Variants in ADAMTSL1 observed in about 807,000 individuals in gnomAD.
ADAMTSL1 encodes ADAMTS like 1, also known as ADAMTS-like protein 1.
In ADAMTSL1, 126 loss-of-function variants were observed where a neutral mutation model predicts 201.8. That is an observed-to-expected ratio of 0.62 (90% confidence interval 0.54 to 0.72). The LOEUF (loss-of-function observed/expected upper bound fraction) is 0.72. Among genes scored for constraint, ADAMTSL1 ranks in the 30% least tolerant of loss-of-function variants. The pLI, the probability that ADAMTSL1 is intolerant of heterozygous loss-of-function variation, is 0.00. For synonymous variants in ADAMTSL1, 1,121 were observed against 903.4 expected (o/e 1.24, Z -4.32); for missense variants, 2,679 against 2,277.8 (o/e 1.18, Z -3.59).
At chr9:18,169,990 C>T (rs751718130) in intron 2 of ADAMTSL1, among the ~76,000 whole-genome samples, 1 of 151,932 alleles carries the variant, frequency 6.6e-6, no homozygotes, top group Non-Finnish European at 1.5e-5. Context: ...AGACAAGAAG[C>T]ATAGATTTGG....
intron 1 of ADAMTSL1, among the ~76,000 whole-genome samples, chr9:18,006,384 G>A (rs1223340785): frequency 1.3e-5 from 2 of 151,924 alleles, no homozygotes; most frequent in African/African-American, 2.4e-5. Context: ...CTAAGTTCCT[G>A]ACAATTTCAC....
At chr9:18,724,898 C>G (rs567886636) in intron 15 of ADAMTSL1, among the ~76,000 whole-genome samples, 33 of 118,500 alleles carry the variant, frequency 2.8e-4, no homozygotes, top group African/African-American at 1.0e-3. Context: ...TAAATAGCCT[C>G]AGGATTGAAC....
At chr9:18,578,297 T>A (rs956635971) in intron 4 of ADAMTSL1, among the ~76,000 whole-genome samples, 1 of 152,206 alleles carries the variant, frequency 6.6e-6, no homozygotes, top group Non-Finnish European at 1.5e-5. Flanking sequence ...TCAAACCACA[T>A]TCTCCCCCTT....
At chr9:18,658,510 G>A (rs1272308530) in intron 8 of ADAMTSL1, among the ~76,000 whole-genome samples, 1 of 152,110 alleles carries the variant, frequency 6.6e-6, no homozygotes, top group African/African-American at 2.4e-5. Flanking sequence ...TTTAGACTTA[G>A]GCTCAGTTAT....
At chr9:17,965,632 A>G (rs1817953539) in intron 1 of ADAMTSL1, among the ~76,000 whole-genome samples, 1 of 152,206 alleles carries the variant, frequency 6.6e-6, no homozygotes, top group South Asian at 2.1e-4. Context: ...CATACATGAT[A>G]AATTGGGATA....
chr9:18,004,584 C>T (rs1281554157), intron 1 of ADAMTSL1, among the ~76,000 whole-genome samples: 1 of 151,986 alleles, frequency 6.6e-6, no homozygotes, highest in African/African-American at 2.4e-5. Flanking sequence ...TATCTCACAC[C>T]CATAGCATGA....
chr9:18,370,997 G>T (rs1837019485), intron 2 of ADAMTSL1, among the ~76,000 whole-genome samples: 1 of 152,068 alleles, frequency 6.6e-6, no homozygotes, highest in African/African-American at 2.4e-5. Context: ...TTGTTTAAGA[G>T]AGTAAAAGCT....
intron 23 of ADAMTSL1, among the ~76,000 whole-genome samples, chr9:18,864,760 A>T (rs572788137): frequency 6.6e-6 from 1 of 152,338 alleles, no homozygotes; most frequent in African/African-American, 2.4e-5. Context: ...CAGTGAAGTC[A>T]ATGGGAAAAA....
chr9:18,470,651 T>G (rs1821170761), upstream of ADAMTSL1, among the ~76,000 whole-genome samples: 1 of 152,144 alleles, frequency 6.6e-6, no homozygotes, highest in South Asian at 2.1e-4. Context: ...AAGAGACAGG[T>G]GGCTCCAGAG....
chr9:18,346,406 C>T (rs1450699612), intron 2 of ADAMTSL1, among the ~76,000 whole-genome samples: 3 of 152,126 alleles, frequency 2.0e-5, no homozygotes, highest in Non-Finnish European at 4.4e-5. Flanking sequence ...GCTGGGCAGT[C>T]TGGGTTTGCA....
intron 3 of ADAMTSL1, among the ~76,000 whole-genome samples, chr9:18,559,726 C>T (rs375043754): frequency 6.6e-6 from 1 of 152,126 alleles, no homozygotes. Context: ...TTCTTCACAT[C>T]CCTTGTAAGT....
At chr9:18,289,724 A>C (rs1159967855) in intron 2 of ADAMTSL1, among the ~76,000 whole-genome samples, 1 of 152,166 alleles carries the variant, frequency 6.6e-6, no homozygotes, top group Non-Finnish European at 1.5e-5. Flanking sequence ...TCTTTCCTCA[A>C]GTTTCTTTCA....
At chr9:18,192,329 G>A (rs1829003650) in intron 2 of ADAMTSL1, among the ~76,000 whole-genome samples, 1 of 151,990 alleles carries the variant, frequency 6.6e-6, no homozygotes, top group African/African-American at 2.4e-5. Context: ...CTCTGTCCTG[G>A]GCAAAATCTC....
chr9:18,258,052 C>T (rs964786859), intron 2 of ADAMTSL1, among the ~76,000 whole-genome samples: 4 of 152,174 alleles, frequency 2.6e-5, no homozygotes, highest in East Asian at 1.9e-4. Context: ...GTGATAGCTG[C>T]ACAACAATGT....
At chr9:18,813,862 G>T (rs1823666849) in intron 20 of ADAMTSL1, among the ~76,000 whole-genome samples, 1 of 152,156 alleles carries the variant, frequency 6.6e-6, no homozygotes, top group African/African-American at 2.4e-5. Context: ...AAGAAAAGTG[G>T]TGAACATGGA....
rs1003037548 is a variant in ADAMTSL1, at chr9:18,854,307, C to T, written c.4249+24330C>T. Among the ~76,000 whole-genome samples, 3 of 152,038 alleles carry T rather than the reference C, an allele frequency of 2.0e-5. 1 individual carries two copies. Among genetic ancestry groups the T allele is most frequent in the South Asian group, 4.1e-4 (2 of 4,830 alleles). On this transcript the variant is annotated intron_variant, in intron 23 of 28. Coordinates refer to ENST00000380548, the MANE Select transcript of ADAMTSL1 (RefSeq NM_001040272.6). ...TTGGCATTGATATTGTTAATACAACCGTAGGTTCCCTGAAAAAAGCAGCTA... is the reference window on the plus strand; with the variant it reads ...TTGGCATTGATATTGTTAATACAACTGTAGGTTCCCTGAAAAAAGCAGCTA...
intron 3 of ADAMTSL1, among the ~76,000 whole-genome samples, chr9:18,540,208 A>C (rs1820041392): frequency 6.6e-6 from 1 of 152,212 alleles, no homozygotes; most frequent in African/African-American, 2.4e-5. Flanking sequence ...CTGGCGTATA[A>C]TATTAACAGA....
intron 17 of ADAMTSL1, among the ~76,000 whole-genome samples, chr9:18,773,489 C>T (rs74815229): frequency 1.3e-5 from 2 of 152,244 alleles, no homozygotes; most frequent in East Asian, 3.9e-4. Context: ...ATTAAGACCA[C>T]AGAATGCTTT....
upstream of ADAMTSL1, chr9:18,474,079 CCCA>C: frequency 1.9e-6 from 1 of 520,814 alleles, no homozygotes. Context: ...CACCCATCCA[CCCA>C]CCCACCCCTC....
Sources: allele counts gnomAD v4.1 joint callset (sites outside exome capture counted in the v4.1 genomes callset), GRCh38; gene constraint gnomAD v4.1.1; transcripts MANE v1.5; gene names NCBI Gene and HGNC (gene_info 2026-07-23, HGNC 2026-07-21).